Variants in KAZN observed in about 807,000 individuals in gnomAD.
KAZN encodes kazrin, periplakin interacting protein, also known as kazrin.
Under a neutral mutation model 87.4 loss-of-function variants are expected in KAZN, and 40 were observed. That is an observed-to-expected ratio of 0.46 (90% CI 0.36 to 0.60). The LOEUF (loss-of-function observed/expected upper bound fraction) is 0.60, where lower values mean the gene tolerates loss of function less well. Ranked by LOEUF, KAZN falls within the 20% of genes least tolerant of loss-of-function variation. The probability of loss-of-function intolerance (pLI) is 0.00; values close to 1 mark genes in which losing one functional copy is unlikely to be tolerated. For synonymous variants in KAZN, 466 were observed against 458.3 expected (o/e 1.02, Z -0.22); for missense variants, 898 against 1,073.9 (o/e 0.84, Z 2.29).
At chr1:14,879,876 G>A (rs575283719) in intron 1 of KAZN, among the ~76,000 whole-genome samples, 2 of 152,122 alleles carry the variant, frequency 1.3e-5, no homozygotes, top group East Asian at 3.8e-4. Flanking sequence ...TACATTTTGT[G>A]CATTATCTCA....
chr1:14,380,780 G>C (rs1395580479), intron 2 of KAZN, among the ~76,000 whole-genome samples: 1 of 152,202 alleles, frequency 6.6e-6, no homozygotes, highest in East Asian at 1.9e-4. Flanking sequence ...AGAGGAGATA[G>C]AGAAAGAGAC....
At chr1:14,451,608 A>AG (rs1667282500) in intron 2 of KAZN, among the ~76,000 whole-genome samples, 6 of 134,420 alleles carry the variant, frequency 4.5e-5, no homozygotes, top group African/African-American at 1.6e-4. Context: ...GAGAGAGAGA[A>AG]AGAGAGAAAG....
chr1:14,797,040 G>A (rs547091163), intron 1 of KAZN, among the ~76,000 whole-genome samples: 5 of 152,250 alleles, frequency 3.3e-5, no homozygotes, highest in East Asian at 1.9e-4. Flanking sequence ...GGGCAGAAAG[G>A]TGGTGCTGGG....
At chr1:14,618,570 C>T (rs929127547) in intron 1 of KAZN, among the ~76,000 whole-genome samples, 1 of 152,168 alleles carries the variant, frequency 6.6e-6, no homozygotes, top group Non-Finnish European at 1.5e-5. Context: ...TATGTATTTT[C>T]GTGTTTAATC....
chr1:14,194,475 C>G (rs764941685), intron 2 of KAZN, among the ~76,000 whole-genome samples: 3 of 152,170 alleles, frequency 2.0e-5, no homozygotes, highest in Non-Finnish European at 2.9e-5. Context: ...TTTCCCTGGT[C>G]CAGTTTCCTT....
intron 2 of KAZN, among the ~76,000 whole-genome samples, chr1:14,277,863 A>G (rs1243348954): frequency 6.6e-6 from 1 of 152,060 alleles, no homozygotes; most frequent in African/African-American, 2.4e-5. Context: ...ACATTCACCT[A>G]CTGCATTAGG....
intron 2 of KAZN, among the ~76,000 whole-genome samples, chr1:14,427,612 G>GTA (rs5772580): frequency 0.86 from 131,131 of 151,766 alleles, 56,853 homozygotes; most frequent in East Asian, 0.95. Flanking sequence ...CTGTGTGTGT[G>GTA]TATATATATG....
chr1:14,595,610 G>A (rs141233658), upstream of KAZN, among the ~76,000 whole-genome samples: 844 of 150,226 alleles, frequency 5.6e-3, 5 homozygotes, highest in African/African-American at 0.019. Context: ...GAACCCAGGA[G>A]GCGGAGGTTG....
intron 6 of KAZN, chr1:15,062,616 G>A (rs1638886532): frequency 6.6e-6 from 1 of 152,646 alleles, no homozygotes; most frequent in South Asian, 2.1e-4. Context: ...GCATAGAGAG[G>A]TTGGAGAAGG....
intron 1 of KAZN, among the ~76,000 whole-genome samples, chr1:13,926,927 G>T (rs1640302239): frequency 6.6e-6 from 1 of 151,944 alleles, no homozygotes; most frequent in African/African-American, 2.4e-5. Flanking sequence ...GGTGCTCAAA[G>T]AAAAAAACCT....
chr1:14,730,142 G>A lies in KAZN; in HGVS notation c.226+130919G>A, dbSNP rs564195092. Among the ~76,000 whole-genome samples the A allele has an allele frequency of 2.2e-4, 34 of 152,196 alleles. No homozygotes were observed. The South Asian group carries it at 6.9e-3, about 31-fold the overall frequency. ...TCTGTTGCCCAGGCTGGAGTGCAGT[G>A]GCGCGATCTCGGCTTACTGAAACCT... On this transcript the variant is annotated intron_variant, in intron 1 of 14. Transcript: ENST00000376030.
intron 2 of KAZN, among the ~76,000 whole-genome samples, chr1:14,335,435 T>A (rs1188417202): frequency 6.6e-6 from 1 of 152,046 alleles, no homozygotes; most frequent in Non-Finnish European, 1.5e-5. Context: ...ACTCCTGACC[T>A]CAGGTGATCC....
chr1:14,755,351 C>T (rs1207625812), intron 1 of KAZN, among the ~76,000 whole-genome samples: 1 of 152,186 alleles, frequency 6.6e-6, no homozygotes, highest in African/African-American at 2.4e-5. Flanking sequence ...CTGCCCCTGA[C>T]CCCACTCCAC....
At position 14,829,038 on chromosome 1, in the gene KAZN, G is replaced by C. The variant is rs138893658; in HGVS notation, c.227-131646G>C. On this transcript the variant is annotated intron_variant, in intron 1 of 14. Coordinates refer to ENST00000376030, the MANE Select transcript of KAZN (RefSeq NM_201628.3). ...AGAAAGCGAGGAACAGGATATCCTG[G>C]GTGGCTTAAGCCATTAGTTCATGAT... is the stretch of plus-strand genomic sequence containing the variant. 1.8e-4 allele frequency among the ~76,000 whole-genome samples: 27 copies of C among 152,292 alleles called. No individual in the cohort carries two copies. In the East Asian group the frequency reaches 5.2e-3, roughly 29 times the overall value.
chr1:14,443,539 G>T (rs184479373), intron 2 of KAZN, among the ~76,000 whole-genome samples: 29 of 152,380 alleles, frequency 1.9e-4, no homozygotes, highest in African/African-American at 6.5e-4. Flanking sequence ...GTCTCCATTG[G>T]ATTGGAGGCC....
intron 1 of KAZN, among the ~76,000 whole-genome samples, chr1:14,696,436 G>A (rs1383664530): frequency 6.6e-6 from 1 of 152,220 alleles, no homozygotes; most frequent in Non-Finnish European, 1.5e-5. Flanking sequence ...ATGCTGCTGA[G>A]TGTAAAGGGT....
intron 1 of KAZN, among the ~76,000 whole-genome samples, chr1:14,063,719 T>G (rs1332755865): frequency 1.3e-5 from 2 of 152,146 alleles, no homozygotes; most frequent in African/African-American, 4.8e-5. Flanking sequence ...ATAATCCCCA[T>G]GTGTCAAGGG....
Position 14,732,601 on chromosome 1 carries a change from T to C in KAZN, c.226+133378T>C, listed in dbSNP as rs188397912. Among the ~76,000 whole-genome samples, 245 of 152,290 alleles carry C rather than the reference T, an allele frequency of 1.6e-3. 2 individuals carry two copies. The highest frequency in any genetic ancestry group is 5.3e-3 in the African/African-American group (220 of 41,562). On this transcript the variant is annotated intron_variant, in intron 1 of 14. Coordinates refer to ENST00000376030, the MANE Select transcript of KAZN (RefSeq NM_201628.3). Reference sequence around the variant, plus strand: ...TTGCAGCGAGCCAAGATTGCACCACTACACTCCAGCCTGGGTGACAGAGCA... The same window carrying C: ...TTGCAGCGAGCCAAGATTGCACCACCACACTCCAGCCTGGGTGACAGAGCA...
chr1:14,719,419 G>C (rs907024372), intron 1 of KAZN, among the ~76,000 whole-genome samples: 2 of 152,198 alleles, frequency 1.3e-5, no homozygotes, highest in African/African-American at 4.8e-5. Context: ...AAAGTGGACT[G>C]TGTCCAGTGG....
Sources: gnomAD v4.1 joint callset for allele counts (sites outside exome capture counted in the v4.1 genomes callset) on GRCh38, gnomAD v4.1.1 for gene constraint, MANE v1.5 for transcripts, NCBI Gene and HGNC (gene_info 2026-07-23, HGNC 2026-07-21) for gene names.